The following RBFOX1 variants were observed in gnomAD, a reference collection of about 807,000 sequenced individuals.
The protein encoded by RBFOX1 is RNA binding fox-1 homolog 1, also known as RNA binding protein fox-1 homolog 1.
Under a neutral mutation model 57.7 loss-of-function variants are expected in RBFOX1, and 8 were observed. The ratio of observed to expected loss-of-function variants is 0.14; its 90% confidence interval spans 0.08 to 0.25. The LOEUF (loss-of-function observed/expected upper bound fraction) is 0.25. Among genes scored for constraint, RBFOX1 ranks in the 10% least tolerant of loss-of-function variants. The pLI is 1.00. For missense variants in RBFOX1, 611 were observed against 548.5 expected, an observed-to-expected ratio of 1.11 and a Z score of -1.14; for synonymous variants, 326 against 222.4, an observed-to-expected ratio of 1.47 and a Z score of -4.15.
At chr16:6,581,815 G>A (rs1366044845) in intron 2 of RBFOX1, among the ~76,000 whole-genome samples, 2 of 152,192 alleles carry the variant, frequency 1.3e-5, no homozygotes, top group Non-Finnish European at 2.9e-5. Context: ...CAGATTCTTA[G>A]CTTTGGTGTT....
chr16:7,029,255 CACATATATATACGTATACGTAT>C (rs2042148708), intron 3 of RBFOX1, among the ~76,000 whole-genome samples: 1 of 95,970 alleles, frequency 1.0e-5, no homozygotes, highest in Non-Finnish European at 1.8e-5. Flanking sequence ...TATATATACA[CACATATATATACGTATACGTAT>C]ATATATACAC....
chr16:7,388,755 T>C (rs80034924), intron 4 of RBFOX1, among the ~76,000 whole-genome samples: 9,870 of 150,638 alleles, frequency 0.066, 392 homozygotes, highest in East Asian at 0.2. Flanking sequence ...AATACTATTA[T>C]AAAATTAGCT....
intron 2 of RBFOX1, among the ~76,000 whole-genome samples, chr16:6,622,346 T>C (rs983312391): frequency 1.3e-5 from 2 of 152,212 alleles, no homozygotes; most frequent in Middle Eastern, 3.2e-3. Context: ...ATTTTTATCG[T>C]ACCTTTTCTA....
chr16:5,730,080 C>G (rs992887235), intron 3 of RBFOX1, among the ~76,000 whole-genome samples: 4 of 152,122 alleles, frequency 2.6e-5, no homozygotes, highest in Non-Finnish European at 5.9e-5. Flanking sequence ...TCAGAGGACC[C>G]AAATTAAACT....
chr16:6,959,987 G>A (rs894443758), intron 3 of RBFOX1, among the ~76,000 whole-genome samples: 2 of 152,024 alleles, frequency 1.3e-5, no homozygotes, highest in Non-Finnish European at 2.9e-5. Context: ...CTTAAACAAA[G>A]GCTGAAATGT....
chr16:7,207,485 G>T (rs2090231117), intron 4 of RBFOX1, among the ~76,000 whole-genome samples: 1 of 152,084 alleles, frequency 6.6e-6, no homozygotes, highest in Non-Finnish European at 1.5e-5. Context: ...CCCCCGGACT[G>T]GCCCCTAGCA....
chr16:7,186,096 G>T (rs2152555774), intron 4 of RBFOX1, among the ~76,000 whole-genome samples: 1 of 151,936 alleles, frequency 6.6e-6, no homozygotes, highest in African/African-American at 2.4e-5. Context: ...TTTGTCACTG[G>T]TATTTAATTG....
chr16:6,490,668 C>T (rs2153131201), intron 2 of RBFOX1, among the ~76,000 whole-genome samples: 1 of 152,216 alleles, frequency 6.6e-6, no homozygotes, highest in African/African-American at 2.4e-5. Context: ...AAAGGGTCAC[C>T]CATGAACAGC....
At chr16:6,310,108 G>A (rs1346210916) in intron 1 of RBFOX1, among the ~76,000 whole-genome samples, 1 of 152,118 alleles carries the variant, frequency 6.6e-6, no homozygotes, top group Non-Finnish European at 1.5e-5. Flanking sequence ...GGCTGGTCTC[G>A]AACTTCTGAC....
At chr16:7,182,779 A>G (rs1241420913) in intron 4 of RBFOX1, among the ~76,000 whole-genome samples, 1 of 152,172 alleles carries the variant, frequency 6.6e-6, no homozygotes, top group East Asian at 1.9e-4. Context: ...CCCCTGACTT[A>G]GCACTTTGTA....
At chr16:6,525,209 T>C (rs7203727) in intron 2 of RBFOX1, among the ~76,000 whole-genome samples, 84,709 of 152,130 alleles carry the variant, frequency 0.56, 25,295 homozygotes, top group Non-Finnish European at 0.65. Context: ...ATAAGAACAA[T>C]TCTAGCTTGA....
chr16:5,646,225 C>T (rs377340331), intron 3 of RBFOX1, among the ~76,000 whole-genome samples: 5 of 144,646 alleles, frequency 3.5e-5, no homozygotes, highest in African/African-American at 1.0e-4. Flanking sequence ...CAGGGTTTCA[C>T]CGTGTTAGCC....
intron 4 of RBFOX1, among the ~76,000 whole-genome samples, chr16:7,065,175 T>C (rs936911927): frequency 1.3e-5 from 2 of 152,212 alleles, no homozygotes; most frequent in African/African-American, 4.8e-5. Context: ...CAACTGGTGT[T>C]TGGAAGAATG....
intron 1 of RBFOX1, among the ~76,000 whole-genome samples, chr16:5,392,854 T>TC (rs1020941822): frequency 2.0e-5 from 3 of 152,164 alleles, no homozygotes; most frequent in African/African-American, 7.2e-5. Context: ...TCCTGTCTCC[T>TC]CTGTCTGCAA....
chr16:7,066,629 G>C (rs9927355), intron 4 of RBFOX1, among the ~76,000 whole-genome samples: 17,333 of 152,204 alleles, frequency 0.11, 1,139 homozygotes, highest in East Asian at 0.21. Context: ...TGTTAAAAGT[G>C]TAGACAATTT....
chr16:6,966,917 A>G (rs1280575062), intron 3 of RBFOX1, among the ~76,000 whole-genome samples: 5 of 150,982 alleles, frequency 3.3e-5, no homozygotes, highest in African/African-American at 9.8e-5. Context: ...CCATCCATCC[A>G]TCCATCCATC....
At chr16:7,184,529 G>A (rs1480589818) in intron 4 of RBFOX1, among the ~76,000 whole-genome samples, 1 of 152,196 alleles carries the variant, frequency 6.6e-6, no homozygotes, top group Non-Finnish European at 1.5e-5. Context: ...TCAAAAGTTA[G>A]CCAAGTGATT....
chr16:5,843,205 A>AG (rs1326072759), intron 3 of RBFOX1, among the ~76,000 whole-genome samples: 1 of 152,158 alleles, frequency 6.6e-6, no homozygotes, highest in Non-Finnish European at 1.5e-5. Context: ...CTCACGTCTC[A>AG]GGGGTTTGTT....
At chr16:7,376,803 T>C (rs1410097459) in intron 4 of RBFOX1, among the ~76,000 whole-genome samples, 1 of 152,190 alleles carries the variant, frequency 6.6e-6, no homozygotes, top group Non-Finnish European at 1.5e-5. Flanking sequence ...TGATGTCCCT[T>C]GCAGTAGAGA....
Sources: gnomAD v4.1 joint callset for allele counts (sites outside exome capture counted in the v4.1 genomes callset) on GRCh38, gnomAD v4.1.1 for gene constraint, MANE v1.5 for transcripts, NCBI Gene and HGNC (gene_info 2026-07-23, HGNC 2026-07-21) for gene names.